GRIA1: variants seen among roughly 807,000 people sequenced by gnomAD.
GRIA1 encodes the protein glutamate ionotropic receptor AMPA type subunit 1.
In GRIA1, 31 loss-of-function variants were observed where a neutral mutation model predicts 99.2. The ratio of observed to expected loss-of-function variants is 0.31; its 90% CI spans 0.23 to 0.42. GRIA1 has a LOEUF of 0.42. Ranked by LOEUF, GRIA1 falls within the 10% of genes least tolerant of loss-of-function variation. The probability of loss-of-function intolerance (pLI) is 1.00; values close to 1 mark genes in which losing one functional copy is unlikely to be tolerated. For missense variants in GRIA1, 782 were observed against 1,157.5 expected, an observed-to-expected ratio of 0.68 and a Z score of 4.71; for synonymous variants, 438 against 432.4, an observed-to-expected ratio of 1.01 and a Z score of -0.16.
chr5:153,750,853 T>G (rs1237727553), intron 11 of GRIA1, among the ~76,000 whole-genome samples: 1 of 152,096 alleles, frequency 6.6e-6, no homozygotes, highest in Non-Finnish European at 1.5e-5. Flanking sequence ...ATCCCAGCAC[T>G]TTGAGAGGCT....
intron 14 of GRIA1, among the ~76,000 whole-genome samples, chr5:153,798,862 TCTC>T (rs1456809151): frequency 2.0e-5 from 3 of 151,664 alleles, no homozygotes; most frequent in East Asian, 1.9e-4. Flanking sequence ...GGGGGGGAAA[TCTC>T]CTTTCCATAT....
intron 7 of GRIA1, among the ~76,000 whole-genome samples, chr5:153,682,787 G>C (rs1047000554): frequency 6.6e-6 from 1 of 152,138 alleles, no homozygotes; most frequent in Non-Finnish European, 1.5e-5. Flanking sequence ...CTATTGCTAC[G>C]ATTCTGAATA....
intron 2 of GRIA1, among the ~76,000 whole-genome samples, chr5:153,496,812 T>C (rs945888169): frequency 4.6e-5 from 7 of 152,230 alleles, no homozygotes; most frequent in African/African-American, 1.7e-4. Context: ...TTTTTTGAAA[T>C]CTGAATTAGT....
At chr5:153,733,739 A>G (rs1761195577) in intron 11 of GRIA1, among the ~76,000 whole-genome samples, 1 of 152,156 alleles carries the variant, frequency 6.6e-6, no homozygotes, top group Non-Finnish European at 1.5e-5. Context: ...ATACACTTTA[A>G]GTCATAAATT....
Position 153,795,357 on chromosome 5 carries a change from A to G in GRIA1, c.2385+622A>G, listed in dbSNP as rs201559081. 57 of 627,408 alleles carry G rather than the reference A, an allele frequency of 9.1e-5. No homozygotes were observed. The East Asian group carries it at 1.7e-3, about 18-fold the overall frequency. 38.9% of individuals were successfully genotyped at this position (627,408 alleles called of 1,614,324 possible). A position where few individuals can be genotyped will look rare whatever the true frequency, so the allele number is the denominator to read the frequency against. On this transcript the variant is annotated intron_variant, in intron 14 of 15. Transcript: ENST00000285900. ...GGGGCCAGATGGAGTATTTTAGAGT[A>G]TCACTTTGTCAGTGCATATGATCTT... is the stretch of plus-strand genomic sequence containing the variant.
At chr5:153,727,188 C>T (rs1306683624) in intron 11 of GRIA1, among the ~76,000 whole-genome samples, 2 of 152,088 alleles carry the variant, frequency 1.3e-5, no homozygotes, top group East Asian at 1.9e-4. Flanking sequence ...ATTCAACAAC[C>T]TTCATGCTAA....
intron 11 of GRIA1, among the ~76,000 whole-genome samples, chr5:153,717,864 TA>T (rs1305616291): frequency 1.7e-4 from 26 of 152,230 alleles, no homozygotes; most frequent in African/African-American, 6.3e-4. Flanking sequence ...GGTTATTATT[TA>T]TCTTTATCTC....
rs149698045 is a variant in GRIA1, at chr5:153,491,385, G to T, written c.82+415G>T. 1,318 of 766,292 alleles carry T rather than the reference G, an allele frequency of 1.7e-3. 12 individuals carry two copies. In the African/African-American group the frequency reaches 0.023, roughly 13 times the overall value. The allele number at this position is 766,292 out of a possible 1,614,324, so 47.5% of individuals were successfully genotyped here. Reference sequence around the variant, plus strand: ...ACGTGTGTGATTATATATTACATATGCACATATATATGTAATTGAAGGAGG... The same window carrying T: ...ACGTGTGTGATTATATATTACATATTCACATATATATGTAATTGAAGGAGG... On this transcript the variant is annotated intron_variant, in intron 1 of 15. Coordinates refer to ENST00000285900, the MANE Select transcript of GRIA1 (RefSeq NM_000827.4).
At chr5:153,606,025 G>C (rs1275979371) in intron 2 of GRIA1, among the ~76,000 whole-genome samples, 1 of 152,070 alleles carries the variant, frequency 6.6e-6, no homozygotes, top group Non-Finnish European at 1.5e-5. Flanking sequence ...TTCCTACCCT[G>C]AGATCAGGAA....
At chr5:153,696,650 A>G (rs1016816945) in intron 8 of GRIA1, among the ~76,000 whole-genome samples, 5 of 152,350 alleles carry the variant, frequency 3.3e-5, no homozygotes, top group African/African-American at 1.2e-4. Context: ...CATTTGGCAA[A>G]TGCCTCAGTT....
chr5:153,625,012 C>A (rs1206202840), intron 2 of GRIA1, among the ~76,000 whole-genome samples: 1 of 152,186 alleles, frequency 6.6e-6, no homozygotes, highest in Non-Finnish European at 1.5e-5. Context: ...CAGAGACATA[C>A]CAAGTCAGCA....
intron 2 of GRIA1, among the ~76,000 whole-genome samples, chr5:153,564,872 T>C (rs1460128420): frequency 1.3e-5 from 2 of 152,218 alleles, no homozygotes; most frequent in East Asian, 3.8e-4. Flanking sequence ...TGGGAATGAA[T>C]ATGTCAGAAA....
chr5:153,788,670 T>C (rs1765120570), intron 13 of GRIA1, among the ~76,000 whole-genome samples: 1 of 152,246 alleles, frequency 6.6e-6, no homozygotes. Context: ...ATTCTCTTAT[T>C]GCTTGTTTCT....
intron 2 of GRIA1, among the ~76,000 whole-genome samples, chr5:153,563,870 G>A (rs1761381538): frequency 6.6e-6 from 1 of 152,186 alleles, no homozygotes; most frequent in South Asian, 2.1e-4. Flanking sequence ...TATGGAGGCA[G>A]TCTACTATGA....
chr5:153,808,137 C>T (rs1022506457), intron 15 of GRIA1, among the ~76,000 whole-genome samples: 1 of 152,196 alleles, frequency 6.6e-6, no homozygotes, highest in African/African-American at 2.4e-5. Context: ...CTTAGAAAAG[C>T]AAGTGGCTGA....
intron 11 of GRIA1, among the ~76,000 whole-genome samples, chr5:153,741,016 G>T (rs7713771): frequency 8.6e-6 from 1 of 116,496 alleles, no homozygotes; most frequent in Non-Finnish European, 1.6e-5. Flanking sequence ...TCACTCTGTC[G>T]CCCAGGCTGG....
chr5:153,522,962 C>T (rs1301885363), intron 2 of GRIA1, among the ~76,000 whole-genome samples: 1 of 151,948 alleles, frequency 6.6e-6, no homozygotes, highest in Non-Finnish European at 1.5e-5. Context: ...TGAATTGCCT[C>T]TTGTAGCAGC....
chr5:153,687,754 C>A (rs543277528), intron 8 of GRIA1, among the ~76,000 whole-genome samples: 7 of 152,302 alleles, frequency 4.6e-5, no homozygotes, highest in Non-Finnish European at 1.0e-4. Flanking sequence ...TCCCTTAAAC[C>A]TGTCTTCTCT....
intron 2 of GRIA1, among the ~76,000 whole-genome samples, chr5:153,543,969 T>C (rs527446393): frequency 2.0e-5 from 3 of 149,552 alleles, no homozygotes; most frequent in Admixed American, 6.7e-5. Flanking sequence ...GGAATATGTG[T>C]GTATGTTGGG....
Sources: allele counts gnomAD v4.1 joint callset (sites outside exome capture counted in the v4.1 genomes callset), GRCh38; gene constraint gnomAD v4.1.1; transcripts MANE v1.5; gene names NCBI Gene and HGNC (gene_info 2026-07-23, HGNC 2026-07-21).